The following KIRREL3 variants were observed in gnomAD, a reference collection of about 807,000 sequenced individuals.
KIRREL3 encodes kin of IRRE-like protein 3.
Under a neutral mutation model 89.7 loss-of-function variants are expected in KIRREL3, and 36 were observed. That is an observed-to-expected ratio of 0.40 (90% CI 0.31 to 0.53). The LOEUF is 0.53. Among genes scored for constraint, KIRREL3 ranks in the 20% least tolerant of loss-of-function variants. The probability of loss-of-function intolerance (pLI) is 0.49; values close to 1 mark genes in which losing one functional copy is unlikely to be tolerated. For missense variants in KIRREL3, 864 were observed against 1,056.6 expected, an observed-to-expected ratio of 0.82 and a Z score of 2.53; for synonymous variants, 445 against 441.4, an observed-to-expected ratio of 1.01 and a Z score of -0.10.
At chr11:126,702,533 T>C (rs1390289321) in intron 1 of KIRREL3, among the ~76,000 whole-genome samples, 1 of 152,204 alleles carries the variant, frequency 6.6e-6, no homozygotes, top group African/African-American at 2.4e-5. Context: ...AACCCTTGGC[T>C]TCCACCAGCT....
chr11:126,815,734 A>T (rs1951549261), intron 1 of KIRREL3, among the ~76,000 whole-genome samples: 1 of 151,974 alleles, frequency 6.6e-6, no homozygotes, highest in African/African-American at 2.4e-5. Context: ...ACGGGGTTTC[A>T]CTGTGTTAGT....
chr11:126,526,418 G>T lies in KIRREL3; in HGVS notation c.283+120C>A. 1 of 1,011,924 alleles carries T rather than the reference G, an allele frequency of 9.9e-7. No individual in the cohort carries two copies. Among genetic ancestry groups the T allele is most frequent in the Non-Finnish European group, 1.4e-6 (1 of 693,358 alleles). 62.7% of individuals were successfully genotyped at this position (1,011,924 alleles called of 1,614,324 possible). ...GCCTGACTCTGCCTGAGGAGTTGCA[G>T]TGAAAGCTAGAGATTCGATACTCAG... is the stretch of plus-strand genomic sequence containing the variant. On this transcript the variant is annotated intron_variant, in intron 3 of 16. Coordinates refer to ENST00000525144, the MANE Select transcript of KIRREL3 (RefSeq NM_032531.4). This position sits in a 1 kb window ranked among gnomAD's most constrained non-coding sequence, Gnocchi z 5.7.
rs1002231824 is a variant in KIRREL3 at position 126,689,628 on chromosome 11, T to G, written c.56-126716A>C. Among the ~76,000 whole-genome samples, 1 of 152,158 alleles carries G rather than the reference T, an allele frequency of 6.6e-6. No individual in the cohort carries two copies. Among genetic ancestry groups the G allele is most frequent in the Non-Finnish European group, 1.5e-5 (1 of 68,022 alleles). ...CCCAGCCAGGAGATGGGAAGAGACA[T>G]CTTGTTAGCCAGTTGCTCTGGTAGC... On this transcript the variant is annotated intron_variant, in intron 1 of 16. Coordinates refer to ENST00000525144, the MANE Select transcript of KIRREL3 (RefSeq NM_032531.4). This position sits in a 1 kb window ranked among gnomAD's most constrained non-coding sequence, Gnocchi z 5.2.
At position 126,574,176 on chromosome 11, in the gene KIRREL3, T is replaced by C. The variant is rs1340418570; in HGVS notation, c.56-11264A>G. On this transcript the variant is annotated intron_variant, in intron 1 of 16. Coordinates refer to ENST00000525144, the MANE Select transcript of KIRREL3 (RefSeq NM_032531.4). This position sits in a 1 kb window ranked among gnomAD's most constrained non-coding sequence, Gnocchi z 5.3. ...GAAGAAGTAAATACATGTTCTTCTT[T>C]AACCCTAAACATTTATGGAGGACAC... Among the ~76,000 whole-genome samples the C allele has an allele frequency of 6.6e-6, 1 of 152,200 alleles. No individual in the cohort carries two copies. Among genetic ancestry groups the C allele is most frequent in the Non-Finnish European group, 1.5e-5 (1 of 68,036 alleles).
Position 126,731,189 on chromosome 11 carries a change from C to T in KIRREL3, c.56-168277G>A, listed in dbSNP as rs139791321. 3.0e-3 allele frequency among the ~76,000 whole-genome samples: 461 copies of T among 152,326 alleles called. 2 individuals are homozygous for T. The highest frequency in any genetic ancestry group is 4.6e-3 in the Non-Finnish European group (313 of 68,032). On this transcript the variant is annotated intron_variant, in intron 1 of 16. Coordinates refer to ENST00000525144, the MANE Select transcript of KIRREL3 (RefSeq NM_032531.4). The stretch of plus-strand genomic sequence containing the variant: ...ACTTCTCAGCATAGTTTACAAAGCT[C>T]CCTATGATCTGGCCCTGCCCAACTC...
intron 1 of KIRREL3, among the ~76,000 whole-genome samples, chr11:126,868,995 A>T (rs1012383899): frequency 6.6e-6 from 1 of 151,984 alleles, no homozygotes; most frequent in Admixed American, 6.6e-5. Flanking sequence ...CTTGTGACCT[A>T]ATCATTTCCC....
At position 126,987,610 on chromosome 11, in the gene KIRREL3, G is replaced by A. The variant is rs575269869; in HGVS notation, c.55+12845C>T. ...AAAACAAAGCTCATGCCCAGAGAAA[G>A]GAGCATTGATATGGATTTGGAACCC... On this transcript the variant is annotated intron_variant, in intron 1 of 16. Transcript: ENST00000525144. The surrounding 1 kb of genome is among the most constrained non-coding windows in gnomAD (Gnocchi z 4.6). Among the ~76,000 whole-genome samples the A allele has an allele frequency of 1.3e-5, 2 of 152,298 alleles. No homozygotes were observed. The highest frequency in any genetic ancestry group is 3.9e-4 in the East Asian group (2 of 5,182).
chr11:126,720,599 C>T lies in KIRREL3; in HGVS notation c.56-157687G>A, dbSNP rs762888564. 5.9e-5 allele frequency among the ~76,000 whole-genome samples: 9 copies of T among 152,302 alleles called. No homozygotes were observed. In the East Asian group the frequency reaches 9.6e-4, roughly 16 times the overall value. On this transcript the variant is annotated intron_variant, in intron 1 of 16. Transcript: ENST00000525144. ...CTGAGGAGTTTAAATTAGTTCACTC[C>T]CATGCCCAGTGTAGGTGAAGACATT...
chr11:126,538,823 A>G (rs1938132415), intron 2 of KIRREL3, among the ~76,000 whole-genome samples: 2 of 152,162 alleles, frequency 1.3e-5, no homozygotes, highest in South Asian at 2.1e-4. Flanking sequence ...TCCGCTGAGT[A>G]GGCTCTGGAG....
At chr11:126,971,840 G>A (rs1008826242) in intron 1 of KIRREL3, among the ~76,000 whole-genome samples, 1 of 152,096 alleles carries the variant, frequency 6.6e-6, no homozygotes, top group African/African-American at 2.4e-5. Context: ...GCCTGTTCTG[G>A]GTGACTTGGG....
In KIRREL3 at chr11:126,606,614, G is replaced by A. The variant is rs537220355; in HGVS notation, c.56-43702C>T. Among the ~76,000 whole-genome samples, 4 of 152,104 alleles carry A rather than the reference G, an allele frequency of 2.6e-5. No homozygotes were observed. The highest frequency in any genetic ancestry group is 4.8e-5 in the African/African-American group (2 of 41,408). On this transcript the variant is annotated intron_variant, in intron 1 of 16. Coordinates refer to ENST00000525144, the MANE Select transcript of KIRREL3 (RefSeq NM_032531.4). The surrounding 1 kb of genome is among the most constrained non-coding windows in gnomAD (Gnocchi z 4.6). The stretch of plus-strand genomic sequence containing the variant: ...ACACCCCAGGGGTTGATACCAGGCC[G>A]AGACCCTCGACATTCCAGGGAGGGA...
intron 1 of KIRREL3, among the ~76,000 whole-genome samples, chr11:126,762,545 A>T (rs76802446): frequency 6.6e-6 from 1 of 152,100 alleles, no homozygotes; most frequent in Admixed American, 6.5e-5. Context: ...GGCTGTGTAA[A>T]ACTTCCAGAT....
At position 126,646,154 on chromosome 11, in the gene KIRREL3, G is replaced by A. The variant is rs138745762; in HGVS notation, c.56-83242C>T. ...GGTCAGCATTAGCATCTGCAGGTTC[G>A]CGATATGATCGCCCAGTGGGTCCCC... is the stretch of plus-strand genomic sequence containing the variant. On this transcript the variant is annotated intron_variant, in intron 1 of 16. Transcript: ENST00000525144. Among the ~76,000 whole-genome samples the A allele has an allele frequency of 4.2e-3, 636 of 152,134 alleles. 10 individuals carry two copies. The highest frequency in any genetic ancestry group is 0.03 in the Admixed American group (465 of 15,270).
rs55838363 is a variant in KIRREL3 at position 126,521,676 on chromosome 11, ATGTGTGTGTGTGTGTGTG to A, written c.284-230_284-213del. 0.26 allele frequency among the ~76,000 whole-genome samples: 36,655 copies of A among 143,242 alleles called. 6,092 individuals are homozygous for A. Among genetic ancestry groups the A allele is most frequent in the East Asian group, 0.76 (3,610 of 4,730 alleles). The allele number at this position is 143,242 out of a possible 152,430, so 94.0% of individuals were successfully genotyped here. A position where few individuals can be genotyped will look rare whatever the true frequency, so the allele number is the denominator to read the frequency against. On this transcript the variant is annotated intron_variant, in intron 3 of 16. Coordinates refer to ENST00000525144, the MANE Select transcript of KIRREL3 (RefSeq NM_032531.4). This position sits in a 1 kb window ranked among gnomAD's most constrained non-coding sequence, Gnocchi z 4.1. ...GTTGGTTCTCTCTCTCTCTCTCTGT[ATGTGTGTGTGTGTGTGTG>A]TGTGTGTGTGTGTGTGTGTGTGTGT...
intron 4 of KIRREL3, among the ~76,000 whole-genome samples, chr11:126,494,798 G>A (rs932084061): frequency 1.3e-5 from 2 of 152,182 alleles, no homozygotes; most frequent in Non-Finnish European, 2.9e-5. Flanking sequence ...TAGGACAGGC[G>A]CAGGCTGCCA....
chr11:126,962,927 A>T (rs1245699191), intron 1 of KIRREL3, among the ~76,000 whole-genome samples: 1 of 152,206 alleles, frequency 6.6e-6, no homozygotes, highest in Admixed American at 6.5e-5. Context: ...TTTTAGCAAT[A>T]AAGATTTTGT....
At chr11:126,767,480 G>A (rs560040976) in intron 1 of KIRREL3, among the ~76,000 whole-genome samples, 6 of 152,186 alleles carry the variant, frequency 3.9e-5, no homozygotes, top group South Asian at 2.1e-4. Flanking sequence ...AGGGAACAGC[G>A]GAAAGAGCCC....
chr11:126,852,665 T>C (rs1401180446), intron 1 of KIRREL3, among the ~76,000 whole-genome samples: 1 of 152,206 alleles, frequency 6.6e-6, no homozygotes, highest in Non-Finnish European at 1.5e-5. Context: ...TCCAAATCCA[T>C]ATACAAATTT....
At chr11:126,602,577 G>T (rs1293009287) in intron 1 of KIRREL3, among the ~76,000 whole-genome samples, 1 of 152,184 alleles carries the variant, frequency 6.6e-6, no homozygotes, top group Non-Finnish European at 1.5e-5. Context: ...ACATAACTGG[G>T]ACCTGCCTCC....
Sources: allele counts gnomAD v4.1 joint callset (sites outside exome capture counted in the v4.1 genomes callset), GRCh38; gene constraint gnomAD v4.1.1; non-coding constraint Gnocchi (gnomAD v3.1); transcripts MANE v1.5; gene names NCBI Gene and HGNC (gene_info 2026-07-23, HGNC 2026-07-21).